The following PSMA6 variants were observed in gnomAD, a reference collection of about 807,000 sequenced individuals.
PSMA6 encodes proteasome 20S subunit alpha 6, also known as proteasome subunit alpha type-6.
For missense variants in PSMA6, 170 were observed against 294.8 expected, an observed-to-expected ratio of 0.58 and a Z score of 3.10; for synonymous variants, 88 against 97.7, an observed-to-expected ratio of 0.90 and a Z score of 0.59.
chr14:35,313,283 A>G (rs1389290641), intron 5 of PSMA6: 2 of 431,414 alleles, frequency 4.6e-6, no homozygotes, highest in Admixed American at 4.6e-5. Flanking sequence ...AACAAAACGC[A>G]TATAATAGGA....
intron 1 of PSMA6, among the ~76,000 whole-genome samples, chr14:35,284,729 G>A (rs2051402752): frequency 6.6e-6 from 1 of 152,110 alleles, no homozygotes; most frequent in African/African-American, 2.4e-5. Flanking sequence ...AACTTAATCT[G>A]TGGTGTCTGA....
At chr14:35,295,448 CTTTT>C (rs762364057) in intron 1 of PSMA6, among the ~76,000 whole-genome samples, 1 of 140,754 alleles carries the variant, frequency 7.1e-6, no homozygotes. Flanking sequence ...AAGACTTTTT[CTTTT>C]TTTTTTTTTT....
chr14:35,298,013 A>C (rs964445480), intron 1 of PSMA6, among the ~76,000 whole-genome samples: 2 of 152,214 alleles, frequency 1.3e-5, no homozygotes, highest in Non-Finnish European at 2.9e-5. Context: ...TTACTTCCTA[A>C]CCTAATGGTT....
At chr14:35,306,234 C>T (rs2051824571) in intron 1 of PSMA6, among the ~76,000 whole-genome samples, 1 of 151,450 alleles carries the variant, frequency 6.6e-6, no homozygotes. Context: ...ATCTCAAAAC[C>T]CACCAAAATA....
intron 6 of PSMA6, chr14:35,316,472 T>C (rs568175196): frequency 1.3e-5 from 2 of 152,310 alleles, no homozygotes; most frequent in African/African-American, 4.8e-5. Context: ...ATTATAACTT[T>C]ATTTTCATGA....
At chr14:35,299,025 C>A (rs987966558) in intron 1 of PSMA6, among the ~76,000 whole-genome samples, 2 of 150,816 alleles carry the variant, frequency 1.3e-5, no homozygotes, top group East Asian at 4.0e-4. Context: ...TGAGTCACTG[C>A]GTCCAGCTAT....
At chr14:35,284,381 C>G (rs1566547668) in intron 1 of PSMA6, among the ~76,000 whole-genome samples, 1 of 152,168 alleles carries the variant, frequency 6.6e-6, no homozygotes. Context: ...GGTAGTCTTA[C>G]ATTCCCTTTG....
chr14:35,299,462 C>G (rs553315476), intron 1 of PSMA6, among the ~76,000 whole-genome samples: 1 of 151,624 alleles, frequency 6.6e-6, no homozygotes, highest in Non-Finnish European at 1.5e-5. Context: ...GCTGGGATTA[C>G]AGGCGCCTGC....
At chr14:35,306,536 T>C (rs1291521872) in intron 1 of PSMA6, among the ~76,000 whole-genome samples, 1 of 151,998 alleles carries the variant, frequency 6.6e-6, no homozygotes, top group African/African-American at 2.4e-5. Flanking sequence ...AAACCCTGTC[T>C]TTACTGAAAA....
intron 1 of PSMA6, among the ~76,000 whole-genome samples, chr14:35,302,706 C>G (rs1466305924): frequency 6.6e-6 from 1 of 151,986 alleles, no homozygotes; most frequent in Non-Finnish European, 1.5e-5. Context: ...TTTTTTTCAA[C>G]TATTTTTTCT....
chr14:35,314,863 G>A (rs1358069755), intron 6 of PSMA6: 1 of 154,566 alleles, frequency 6.5e-6, no homozygotes, highest in East Asian at 1.9e-4. Context: ...AGCAATATGA[G>A]TTACTGATAT....
At chr14:35,292,046 G>A (rs1258042935), upstream of PSMA6, among the ~76,000 whole-genome samples, 2 of 152,162 alleles carry the variant, frequency 1.3e-5, no homozygotes, top group Non-Finnish European at 2.9e-5. Flanking sequence ...CAAGCCAGCA[G>A]TCTGACCAGA....
chr14:35,298,419 G>C (rs1462423594), intron 1 of PSMA6, among the ~76,000 whole-genome samples: 1 of 151,978 alleles, frequency 6.6e-6, no homozygotes, highest in African/African-American at 2.4e-5. Flanking sequence ...GAGCCCGGGA[G>C]GTGGAGGTTG....
At chr14:35,291,311 C>T (rs546606123), upstream of PSMA6, among the ~76,000 whole-genome samples, 24 of 151,858 alleles carry the variant, frequency 1.6e-4, no homozygotes, top group East Asian at 4.3e-3. Flanking sequence ...TCCGCCTCTC[C>T]GGTTCACGCC....
exon 1 of PSMA6, chr14:35,278,673 A>G: frequency 6.5e-7 from 1 of 1,534,944 alleles, no homozygotes; most frequent in Non-Finnish European, 8.7e-7. Context: ...CCTCCACCTC[A>G]TGAAGTAGCT....
At chr14:35,315,306 C>T (rs1299700724) in intron 6 of PSMA6, 5 of 151,668 alleles carry the variant, frequency 3.3e-5, no homozygotes, top group Middle Eastern at 3.4e-3. Flanking sequence ...AGAGGTTTTT[C>T]GTTTGTTCTT....
At position 35,312,965 on chromosome 14, in the gene PSMA6, C is replaced by T; in HGVS notation, c.494C>T (p.Ala165Val). The T allele has an allele frequency of 6.3e-7, 1 of 1,588,130 alleles. No homozygotes were observed. Among genetic ancestry groups the T allele is most frequent in the East Asian group, 2.3e-5 (1 of 43,788 alleles). The change falls in exon 5 of 7, where the codon GCC becomes GTC. Residue 165 changes from alanine (A) to valine (V), a missense_variant. Coordinates refer to ENST00000261479, the MANE Select transcript of PSMA6 (RefSeq NM_002791.3). Reference sequence around the variant, plus strand: ...GCAGGTTACTACTGTGGGTTTAAAGCCACTGCAGCGGGAGTTAAACAAACT... The same window carrying T: ...GCAGGTTACTACTGTGGGTTTAAAGTCACTGCAGCGGGAGTTAAACAAACT... Reference protein sequence around the residue: ...DPAGYYCGFKATAAGVKQTES... With the variant: ...DPAGYYCGFKVTAAGVKQTES...
intron 1 of PSMA6, among the ~76,000 whole-genome samples, chr14:35,283,060 G>T (rs1480890593): frequency 6.6e-6 from 1 of 152,006 alleles, no homozygotes; most frequent in Non-Finnish European, 1.5e-5. Context: ...GGCCAGGCTG[G>T]TGTCAAACTC....
chr14:35,306,408 AAAAG>A (rs2051828315), intron 1 of PSMA6, among the ~76,000 whole-genome samples: 1 of 152,110 alleles, frequency 6.6e-6, no homozygotes. Context: ...AATTTTTTAA[AAAAG>A]AAAAATTTGG....
Sources: allele counts gnomAD v4.1 joint callset (sites outside exome capture counted in the v4.1 genomes callset), GRCh38; gene constraint gnomAD v4.1.1; transcripts MANE v1.5; gene names NCBI Gene and HGNC (gene_info 2026-07-23, HGNC 2026-07-21).